The following CDH13 variants were observed in gnomAD, a reference collection of about 807,000 sequenced individuals.
The protein encoded by CDH13 is cadherin 13.
Under a neutral mutation model 63.8 loss-of-function variants are expected in CDH13, and 24 were observed. The observed-to-expected ratio is 0.38, with a 90% CI of 0.27 to 0.53. CDH13 has a LOEUF of 0.53. Among genes scored for constraint, CDH13 ranks in the 20% least tolerant of loss-of-function variants. The pLI is 0.85. For missense variants in CDH13, 1,049 were observed against 903.1 expected, an observed-to-expected ratio of 1.16 and a Z score of -2.07; for synonymous variants, 503 against 355.3, an observed-to-expected ratio of 1.42 and a Z score of -4.67.
chr16:83,314,797 T>G (rs556172311), intron 5 of CDH13, among the ~76,000 whole-genome samples: 1 of 152,354 alleles, frequency 6.6e-6, no homozygotes, highest in African/African-American at 2.4e-5. Context: ...CCACATTAGG[T>G]GCAACTTCAT....
At chr16:83,194,312 C>G (rs1004070156) in intron 4 of CDH13, among the ~76,000 whole-genome samples, 1 of 152,186 alleles carries the variant, frequency 6.6e-6, no homozygotes, top group Non-Finnish European at 1.5e-5. Context: ...CAAGGATGAT[C>G]ACGCTTGCTG....
At chr16:83,348,929 C>G (rs2090894985) in intron 6 of CDH13, among the ~76,000 whole-genome samples, 1 of 152,204 alleles carries the variant, frequency 6.6e-6, no homozygotes, top group Non-Finnish European at 1.5e-5. Context: ...AGCAAAGAGA[C>G]ACATGAGTTG....
intron 10 of CDH13, among the ~76,000 whole-genome samples, chr16:83,733,368 C>T (rs1361975070): frequency 2.0e-5 from 3 of 152,206 alleles, no homozygotes; most frequent in Non-Finnish European, 4.4e-5. Context: ...AGGGACCCTG[C>T]AGCCCTCCCG....
At chr16:83,391,873 G>A (rs1056874639) in intron 6 of CDH13, among the ~76,000 whole-genome samples, 1 of 152,162 alleles carries the variant, frequency 6.6e-6, no homozygotes, top group Non-Finnish European at 1.5e-5. Flanking sequence ...GAAAATATTT[G>A]GGGTTTGAGT....
At chr16:82,837,092 T>C (rs969826849) in intron 1 of CDH13, among the ~76,000 whole-genome samples, 12 of 152,190 alleles carry the variant, frequency 7.9e-5, no homozygotes, top group Admixed American at 5.9e-4. Context: ...CAAACAAATA[T>C]GCAAAAGCGT....
chr16:82,918,913 C>T (rs535877968), intron 2 of CDH13, among the ~76,000 whole-genome samples: 286 of 152,240 alleles, frequency 1.9e-3, no homozygotes, highest in African/African-American at 6.5e-3. Flanking sequence ...ATTTATTATA[C>T]CTGTTTGATA....
At chr16:83,504,199 A>T (rs1423927227) in intron 7 of CDH13, among the ~76,000 whole-genome samples, 1 of 152,172 alleles carries the variant, frequency 6.6e-6, no homozygotes, top group Non-Finnish European at 1.5e-5. Context: ...GGTGAGTGGA[A>T]CAGGCTGGAT....
intron 5 of CDH13, among the ~76,000 whole-genome samples, chr16:83,234,417 C>A (rs2040087679): frequency 6.6e-6 from 1 of 152,130 alleles, no homozygotes; most frequent in Admixed American, 6.5e-5. Flanking sequence ...GCCCTTTTGT[C>A]CACTGGAGAG....
intron 7 of CDH13, among the ~76,000 whole-genome samples, chr16:83,596,891 C>A (rs932504208): frequency 6.6e-6 from 1 of 152,158 alleles, no homozygotes; most frequent in Non-Finnish European, 1.5e-5. Flanking sequence ...CAAATCATAA[C>A]AGGCCAATAA....
At chr16:83,191,488 TGCAC>T (rs1175647977) in intron 4 of CDH13, among the ~76,000 whole-genome samples, 32 of 95,558 alleles carry the variant, frequency 3.3e-4, no homozygotes, top group African/African-American at 6.2e-4. Flanking sequence ...TATATATATA[TGCAC>T]ATATATATAT....
intron 13 of CDH13, among the ~76,000 whole-genome samples, chr16:83,794,458 T>G (rs1373590607): frequency 1.3e-5 from 2 of 151,898 alleles, no homozygotes; most frequent in Non-Finnish European, 2.9e-5. Context: ...GAGACTAAGG[T>G]GGGAGGATCG....
intron 8 of CDH13, among the ~76,000 whole-genome samples, chr16:83,610,213 C>A (rs1908730925): frequency 6.6e-6 from 1 of 151,958 alleles, no homozygotes; most frequent in South Asian, 2.1e-4. Flanking sequence ...TCTGCGTTTT[C>A]TCTCACATCC....
chr16:82,908,218 C>G (rs550844290), intron 2 of CDH13, among the ~76,000 whole-genome samples: 2 of 152,040 alleles, frequency 1.3e-5, no homozygotes, highest in African/African-American at 4.8e-5. Flanking sequence ...AGGATATTGT[C>G]CCATGAATAC....
rs1395967798 is a variant in CDH13, at chr16:83,653,703, A to G, written c.1102-17087A>G. ...AGGTTTAGAAAGGAAGAAATCACTTAGGAATTCTCTTACCCTGCTTTATTT... is the reference window on the plus strand; with the variant it reads ...AGGTTTAGAAAGGAAGAAATCACTTGGGAATTCTCTTACCCTGCTTTATTT... On this transcript the variant is annotated intron_variant, in intron 8 of 13. Transcript: ENST00000567109. Among the ~76,000 whole-genome samples, 4 of 152,196 alleles carry G rather than the reference A, an allele frequency of 2.6e-5. No homozygotes were observed. The East Asian group carries it at 5.8e-4, about 22-fold the overall frequency.
At chr16:83,662,313 A>AGTAG (rs1273881204) in intron 8 of CDH13, among the ~76,000 whole-genome samples, 4 of 152,218 alleles carry the variant, frequency 2.6e-5, no homozygotes, top group Admixed American at 2.6e-4. Flanking sequence ...TACCATAGCT[A>AGTAG]GTAGGTACTC....
At chr16:83,024,702 T>C (rs572267337) in intron 2 of CDH13, among the ~76,000 whole-genome samples, 1 of 152,354 alleles carries the variant, frequency 6.6e-6, no homozygotes, top group East Asian at 1.9e-4. Flanking sequence ...TGTAATGTAA[T>C]GTCATTACTT....
At chr16:83,558,825 C>T (rs1449912311) in intron 7 of CDH13, among the ~76,000 whole-genome samples, 1 of 152,062 alleles carries the variant, frequency 6.6e-6, no homozygotes, top group Non-Finnish European at 1.5e-5. Flanking sequence ...AATAATTTAC[C>T]CACGTGGGTA....
chr16:83,667,005 G>A (rs184217854), intron 8 of CDH13, among the ~76,000 whole-genome samples: 38 of 121,210 alleles, frequency 3.1e-4, no homozygotes, highest in African/African-American at 1.0e-3. Context: ...ATGGATGGAT[G>A]GATGGATGGA....
At chr16:83,219,325 G>C (rs1319113908) in intron 5 of CDH13, among the ~76,000 whole-genome samples, 2 of 152,116 alleles carry the variant, frequency 1.3e-5, no homozygotes, top group Admixed American at 6.5e-5. Context: ...TTTAAAAACT[G>C]AGGCCATATA....
Sources: gnomAD v4.1 joint callset for allele counts (sites outside exome capture counted in the v4.1 genomes callset) on GRCh38, gnomAD v4.1.1 for gene constraint, MANE v1.5 for transcripts, NCBI Gene and HGNC (gene_info 2026-07-23, HGNC 2026-07-21) for gene names.